Variants in KCNH8 observed in about 807,000 individuals in gnomAD.
The protein encoded by KCNH8 is voltage-gated delayed rectifier potassium channel KCNH8.
KCNH8 carries 70 observed loss-of-function variants against 103.6 expected under a neutral mutation model. The observed-to-expected ratio is 0.68, with a 90% CI of 0.56 to 0.82. The LOEUF (loss-of-function observed/expected upper bound fraction) is 0.82, where lower values mean the gene tolerates loss of function less well. Among genes scored for constraint, KCNH8 ranks in the 40% least tolerant of loss-of-function variants. The probability of loss-of-function intolerance (pLI) is 0.00; values close to 1 mark genes in which losing one functional copy is unlikely to be tolerated. For missense variants in KCNH8, 1,217 were observed against 1,329.9 expected (o/e 0.92, Z 1.32); for synonymous variants, 498 against 489.4 (o/e 1.02, Z -0.23).
At chr3:19,307,228 A>G (rs961309076) in intron 3 of KCNH8, among the ~76,000 whole-genome samples, 3 of 152,052 alleles carry the variant, frequency 2.0e-5, no homozygotes, top group Admixed American at 6.6e-5. Flanking sequence ...AAGCAATCCA[A>G]TTTATAAATG....
chr3:19,242,813 C>A (rs536495366), intron 1 of KCNH8, among the ~76,000 whole-genome samples: 1 of 152,224 alleles, frequency 6.6e-6, no homozygotes, highest in South Asian at 2.1e-4. Context: ...ATAAGCAACC[C>A]AGGAGATTCC....
intron 13 of KCNH8, among the ~76,000 whole-genome samples, chr3:19,514,005 T>C (rs190922500): frequency 1.5e-5 from 2 of 136,094 alleles, no homozygotes; most frequent in African/African-American, 5.5e-5. Context: ...AAAAAATATG[T>C]ATTACTTTTT....
chr3:19,301,300 G>A (rs1013773564), intron 3 of KCNH8, among the ~76,000 whole-genome samples: 1 of 149,650 alleles, frequency 6.7e-6, no homozygotes, highest in Non-Finnish European at 1.5e-5. Flanking sequence ...ATGTTACATG[G>A]TCATCTATGT....
intron 1 of KCNH8, among the ~76,000 whole-genome samples, chr3:19,189,106 G>T (rs1442262232): frequency 1.3e-5 from 2 of 151,976 alleles, no homozygotes; most frequent in African/African-American, 2.4e-5. Context: ...AGGAATTTTA[G>T]ATGTCAGCTA....
intron 7 of KCNH8, among the ~76,000 whole-genome samples, chr3:19,403,382 A>G (rs1271192827): frequency 1.0e-4 from 3 of 29,974 alleles, no homozygotes; most frequent in African/African-American, 4.7e-4. Flanking sequence ...ATATATATAT[A>G]TATATATATA....
At chr3:19,438,834 T>C (rs1458675186) in intron 8 of KCNH8, among the ~76,000 whole-genome samples, 3 of 152,166 alleles carry the variant, frequency 2.0e-5, no homozygotes, top group African/African-American at 7.2e-5. Flanking sequence ...AAACTATGGA[T>C]CAAGTCTGTT....
At chr3:19,374,819 G>T (rs1300876774) in intron 5 of KCNH8, among the ~76,000 whole-genome samples, 1 of 152,060 alleles carries the variant, frequency 6.6e-6, no homozygotes, top group Admixed American at 6.6e-5. Context: ...AAATCTCTGA[G>T]CATTTGCTTG....
intron 10 of KCNH8, among the ~76,000 whole-genome samples, chr3:19,454,289 T>C (rs933761859): frequency 2.6e-5 from 4 of 151,974 alleles, no homozygotes; most frequent in African/African-American, 9.7e-5. Context: ...CTTGTGATTC[T>C]AAATTAGAAT....
intron 3 of KCNH8, among the ~76,000 whole-genome samples, chr3:19,296,242 CT>C (rs2064995695): frequency 6.6e-6 from 1 of 152,156 alleles, no homozygotes; most frequent in Non-Finnish European, 1.5e-5. Flanking sequence ...AAAAATACAT[CT>C]TTGAGTTCAT....
At chr3:19,170,713 TAC>T (rs1309076332) in intron 1 of KCNH8, among the ~76,000 whole-genome samples, 53 of 135,684 alleles carry the variant, frequency 3.9e-4, no homozygotes, top group Admixed American at 2.0e-3. Context: ...TACACATATA[TAC>T]ACACACATAT....
At chr3:19,512,872 G>A (rs1223169458) in intron 12 of KCNH8, 98 bp from the exon 13 acceptor site, 1 of 1,057,032 alleles carries the variant, frequency 9.5e-7, no homozygotes, top group African/African-American at 1.6e-5. Context: ...AAGTCTCTAA[G>A]AGATTTGACT....
intron 7 of KCNH8, among the ~76,000 whole-genome samples, chr3:19,401,017 A>T (rs2066605914): frequency 6.6e-6 from 1 of 152,000 alleles, no homozygotes; most frequent in South Asian, 2.1e-4. Flanking sequence ...ATCTAAAATG[A>T]AGTTTTCCAG....
chr3:19,410,486 A>G (rs2066760079), intron 7 of KCNH8, among the ~76,000 whole-genome samples: 1 of 152,180 alleles, frequency 6.6e-6, no homozygotes, highest in Non-Finnish European at 1.5e-5. Flanking sequence ...TAGAGGAACT[A>G]GAGAAACAAG....
At chr3:19,503,492 A>C (rs780712625) in intron 11 of KCNH8, among the ~76,000 whole-genome samples, 2 of 152,322 alleles carry the variant, frequency 1.3e-5, no homozygotes, top group African/African-American at 2.4e-5. Context: ...TGTTTATTGC[A>C]GCATTATCCA....
At chr3:19,159,185 A>G (rs1261907543) in intron 1 of KCNH8, among the ~76,000 whole-genome samples, 5 of 151,846 alleles carry the variant, frequency 3.3e-5, no homozygotes, top group Non-Finnish European at 4.4e-5. Context: ...TAATGAATTC[A>G]ACAGATTTTA....
intron 11 of KCNH8, among the ~76,000 whole-genome samples, chr3:19,499,519 A>G (rs549206962): frequency 1.1e-4 from 17 of 152,292 alleles, no homozygotes; most frequent in African/African-American, 4.1e-4. Flanking sequence ...TGAAGGAAAA[A>G]ATGTTAAGGG....
intron 5 of KCNH8, among the ~76,000 whole-genome samples, chr3:19,356,200 T>C (rs972831539): frequency 1.4e-4 from 21 of 152,006 alleles, no homozygotes; most frequent in African/African-American, 5.1e-4. Context: ...GGAGATGATA[T>C]ATCTCTTTTG....
At chr3:19,440,793 T>C (rs1198469773) in intron 8 of KCNH8, among the ~76,000 whole-genome samples, 1 of 152,206 alleles carries the variant, frequency 6.6e-6, no homozygotes, top group African/African-American at 2.4e-5. Context: ...TATGTTCCAT[T>C]CTCTGTTCTA....
rs186551901 is a variant in KCNH8, at chr3:19,202,583, G to A, written c.77-51071G>A. On this transcript the variant is annotated intron_variant, in intron 1 of 15. Coordinates refer to ENST00000328405, the MANE Select transcript of KCNH8 (RefSeq NM_144633.3). ...CAAAGCTGCCAAGCCACCAATGATT[G>A]CAGTTAGGAAGAAATATGAGAAATT... Among the ~76,000 whole-genome samples, 958 of 152,180 alleles carry A rather than the reference G, an allele frequency of 6.3e-3. 12 individuals carry two copies. Among genetic ancestry groups the A allele is most frequent in the African/African-American group, 0.021 (858 of 41,526 alleles).
Sources: gnomAD v4.1 joint callset for allele counts (sites outside exome capture counted in the v4.1 genomes callset) on GRCh38, gnomAD v4.1.1 for gene constraint, MANE v1.5 for transcripts, NCBI Gene and HGNC (gene_info 2026-07-23, HGNC 2026-07-21) for gene names.